NWD2: variants seen among roughly 807,000 people sequenced by gnomAD.
NWD2 encodes NACHT and WD repeat domain containing 2, also known as NACHT and WD repeat domain-containing protein 2.
A neutral mutation model predicts 132.7 loss-of-function variants in NWD2; 37 were observed. The ratio of observed to expected loss-of-function variants is 0.28; its 90% CI spans 0.21 to 0.37. The LOEUF (loss-of-function observed/expected upper bound fraction) is 0.37. Among genes scored for constraint, NWD2 ranks in the 10% least tolerant of loss-of-function variants. The probability of loss-of-function intolerance (pLI) is 1.00; values close to 1 mark genes in which losing one functional copy is unlikely to be tolerated. For synonymous variants in NWD2, 705 were observed against 803.0 expected (o/e 0.88, Z 2.06); for missense variants, 1,592 against 2,122.4 (o/e 0.75, Z 4.91).
chr4:37,355,646 A>G (rs972798895), intron 2 of NWD2, among the ~76,000 whole-genome samples: 7 of 152,228 alleles, frequency 4.6e-5, no homozygotes, highest in African/African-American at 1.4e-4. Flanking sequence ...AATGAAATCC[A>G]TGATGCTCTC....
At chr4:37,254,731 T>TA (rs34509105) in intron 1 of NWD2, among the ~76,000 whole-genome samples, 32,420 of 152,046 alleles carry the variant, frequency 0.21, 3,590 homozygotes, top group Non-Finnish European at 0.25. Flanking sequence ...AGAAAGTTAA[T>TA]AAAAAAAGAT....
intron 1 of NWD2, among the ~76,000 whole-genome samples, chr4:37,293,698 T>C (rs888566834): frequency 6.6e-6 from 1 of 152,214 alleles, no homozygotes; most frequent in Admixed American, 6.5e-5. Flanking sequence ...AGGATTGTGT[T>C]GACAGTATAA....
chr4:37,252,974 T>C (rs1206542022), intron 1 of NWD2, among the ~76,000 whole-genome samples: 1 of 151,384 alleles, frequency 6.6e-6, no homozygotes, highest in Non-Finnish European at 1.5e-5. Context: ...GAGGAATTAA[T>C]AGTAGCTGAC....
chr4:37,339,986 A>C (rs1719486531), intron 2 of NWD2, among the ~76,000 whole-genome samples: 1 of 149,140 alleles, frequency 6.7e-6, no homozygotes. Flanking sequence ...GATAATGGCC[A>C]ATTTCTTTCC....
chr4:37,277,576 CTAAATT>C (rs1047715381), intron 1 of NWD2, among the ~76,000 whole-genome samples: 3 of 151,806 alleles, frequency 2.0e-5, no homozygotes, highest in African/African-American at 7.3e-5. Flanking sequence ...ATTTTCAACT[CTAAATT>C]TAAAAAAAAA....
chr4:37,417,995 A>C (rs1364993823), intron 3 of NWD2, among the ~76,000 whole-genome samples: 1 of 152,190 alleles, frequency 6.6e-6, no homozygotes, highest in Non-Finnish European at 1.5e-5. Context: ...GAGGGGACCT[A>C]AAAGAAATGA....
intron 1 of NWD2, among the ~76,000 whole-genome samples, chr4:37,287,948 G>A (rs180776751): frequency 4.7e-4 from 72 of 152,228 alleles, no homozygotes; most frequent in Non-Finnish European, 8.1e-4. Flanking sequence ...AAGAAAATGC[G>A]GTACATATAG....
At chr4:37,272,675 C>A (rs1429655653) in intron 1 of NWD2, among the ~76,000 whole-genome samples, 1 of 151,682 alleles carries the variant, frequency 6.6e-6, no homozygotes, top group Non-Finnish European at 1.5e-5. Flanking sequence ...AATCGGTTTT[C>A]AAATGATATA....
intron 3 of NWD2, among the ~76,000 whole-genome samples, chr4:37,365,108 A>G (rs974733296): frequency 2.6e-5 from 4 of 152,194 alleles, no homozygotes; most frequent in African/African-American, 9.6e-5. Flanking sequence ...ATGTCTCCTT[A>G]CAGTTTAGTT....
intron 1 of NWD2, among the ~76,000 whole-genome samples, chr4:37,259,725 A>G (rs778548698): frequency 3.9e-5 from 6 of 152,154 alleles, no homozygotes; most frequent in Non-Finnish European, 8.8e-5. Context: ...GCAGCCCTAG[A>G]GTTCCCACCC....
At chr4:37,313,349 G>C (rs1236267325) in intron 1 of NWD2, among the ~76,000 whole-genome samples, 1 of 149,430 alleles carries the variant, frequency 6.7e-6, no homozygotes, top group Non-Finnish European at 1.5e-5. Context: ...TTCCTGGTTT[G>C]GTCTTGGGAG....
chr4:37,284,410 C>A (rs1009881085), intron 1 of NWD2, among the ~76,000 whole-genome samples: 1 of 152,174 alleles, frequency 6.6e-6, no homozygotes. Context: ...TGGAAGGGCA[C>A]AAACATTCAG....
chr4:37,409,129 CAAGGGAACAA>C (rs1167741961), intron 3 of NWD2, among the ~76,000 whole-genome samples: 3 of 151,972 alleles, frequency 2.0e-5, no homozygotes, highest in Non-Finnish European at 4.4e-5. Context: ...TCCTTGCCAG[CAAGGGAACAA>C]AACTGGATGG....
chr4:37,291,655 A>G lies in NWD2; in HGVS notation c.152-34281A>G, dbSNP rs549032949. 2.6e-3 allele frequency among the ~76,000 whole-genome samples: 402 copies of G among 152,206 alleles called. 3 individuals are homozygous for G. The highest frequency in any genetic ancestry group is 4.9e-3 in the Non-Finnish European group (331 of 67,992). On this transcript the variant is annotated intron_variant, in intron 1 of 6. Coordinates refer to ENST00000309447, the MANE Select transcript of NWD2 (RefSeq NM_001144990.2). Reference sequence around the variant, plus strand: ...CTGTCAGTAGTATTTAGAAGTTCACACTGATAATAATATTAATATATTATT... The same window carrying G: ...CTGTCAGTAGTATTTAGAAGTTCACGCTGATAATAATATTAATATATTATT...
intron 1 of NWD2, among the ~76,000 whole-genome samples, chr4:37,318,668 C>T (rs147224197): frequency 0.024 from 3,639 of 151,964 alleles, 57 homozygotes; most frequent in South Asian, 0.054. Context: ...TTAGCTCTCA[C>T]TTATAAGTGA....
At chr4:37,385,983 A>T (rs1266027226) in intron 3 of NWD2, among the ~76,000 whole-genome samples, 1 of 152,170 alleles carries the variant, frequency 6.6e-6, no homozygotes, top group Non-Finnish European at 1.5e-5. Context: ...TTTGGAGATT[A>T]AAGTTTTTTA....
chr4:37,393,553 GC>G (rs1720720909), intron 3 of NWD2, among the ~76,000 whole-genome samples: 1 of 152,190 alleles, frequency 6.6e-6, no homozygotes, highest in Non-Finnish European at 1.5e-5. Context: ...CAAAATGGAT[GC>G]AACTACTACC....
At chr4:37,391,257 C>A (rs1051148340) in intron 3 of NWD2, among the ~76,000 whole-genome samples, 2 of 152,184 alleles carry the variant, frequency 1.3e-5, no homozygotes, top group Non-Finnish European at 2.9e-5. Context: ...TACTCAAGAA[C>A]TCTATTACCT....
At chr4:37,247,020 A>G (rs1252328523) in intron 1 of NWD2, among the ~76,000 whole-genome samples, 1 of 152,228 alleles carries the variant, frequency 6.6e-6, no homozygotes, top group Non-Finnish European at 1.5e-5. Context: ...GCTTTAGCAC[A>G]GATTAACCCT....
Sources: allele counts gnomAD v4.1 joint callset (sites outside exome capture counted in the v4.1 genomes callset), GRCh38; gene constraint gnomAD v4.1.1; transcripts MANE v1.5; gene names NCBI Gene and HGNC (gene_info 2026-07-23, HGNC 2026-07-21).